The following WIPF2 variants were observed in gnomAD, a reference collection of about 807,000 sequenced individuals.
WIPF2 encodes WAS/WASL-interacting protein family member 2.
Under a neutral mutation model 38.8 loss-of-function variants are expected in WIPF2, and 23 were observed. That is an observed-to-expected ratio of 0.59 (90% CI 0.43 to 0.84). The LOEUF is 0.84. WIPF2 is among the 40% of genes least tolerant of loss of function. The pLI is 0.00. For missense variants in WIPF2, 574 were observed against 580.5 expected, an observed-to-expected ratio of 0.99 and a Z score of 0.11; for synonymous variants, 210 against 223.2, an observed-to-expected ratio of 0.94 and a Z score of 0.53.
intron 1 of WIPF2, among the ~76,000 whole-genome samples, chr17:40,246,589 G>T (rs567484331): frequency 6.6e-6 from 1 of 150,918 alleles, no homozygotes; most frequent in African/African-American, 2.4e-5. Context: ...AGTAGAGATG[G>T]TTTCACTATG....
rs373553389 is a variant in WIPF2 at position 40,270,882 on chromosome 17, T to TTG, written c.971-2890_971-2889dup. Among the ~76,000 whole-genome samples, 518 of 150,470 alleles carry TTG rather than the reference T, an allele frequency of 3.4e-3. 3 individuals are homozygous for TTG. The highest frequency in any genetic ancestry group is 7.0e-3 in the African/African-American group (286 of 41,016). ...CATTTATTGGGCTTATTGTGCCAGA[T>TTG]TGTGTGTGTGTGTGTGTGTATGTTA... On this transcript the variant is annotated intron_variant, in intron 5 of 7. Transcript: ENST00000323571.
chr17:40,267,332 C>G (rs2032118711), intron 5 of WIPF2, among the ~76,000 whole-genome samples: 1 of 151,986 alleles, frequency 6.6e-6, no homozygotes. Context: ...GGAGCCTAAG[C>G]TGGGTGAGGA....
intron 1 of WIPF2, among the ~76,000 whole-genome samples, chr17:40,230,990 A>G (rs986732014): frequency 6.6e-6 from 1 of 152,186 alleles, no homozygotes; most frequent in Non-Finnish European, 1.5e-5. Context: ...TTTTGTTCAG[A>G]AATCACAGTA....
At chr17:40,241,560 G>A (rs531416870) in intron 1 of WIPF2, among the ~76,000 whole-genome samples, 81 of 152,124 alleles carry the variant, frequency 5.3e-4, no homozygotes, top group African/African-American at 1.9e-3. Context: ...TTTAGTCAGC[G>A]TCTCTAAACC....
chr17:40,270,094 G>A (rs868594252), intron 5 of WIPF2, among the ~76,000 whole-genome samples: 2 of 151,712 alleles, frequency 1.3e-5, no homozygotes, highest in Non-Finnish European at 2.9e-5. Flanking sequence ...GGCCGGGTGC[G>A]GTGGCTCATG....
chr17:40,243,081 A>G (rs2031246069), intron 1 of WIPF2, among the ~76,000 whole-genome samples: 1 of 152,194 alleles, frequency 6.6e-6, no homozygotes, highest in South Asian at 2.1e-4. Context: ...TTGATTTGTC[A>G]TCATTTTAGA....
intron 4 of WIPF2, among the ~76,000 whole-genome samples, chr17:40,263,808 G>T (rs1250576944): frequency 6.6e-6 from 1 of 151,842 alleles, no homozygotes; most frequent in Non-Finnish European, 1.5e-5. Flanking sequence ...CTCCCAAAGT[G>T]CTGGGATTAC....
intron 1 of WIPF2, among the ~76,000 whole-genome samples, chr17:40,225,599 AG>A (rs965245059): frequency 1.3e-5 from 2 of 152,164 alleles, no homozygotes; most frequent in Admixed American, 1.3e-4. Flanking sequence ...CTTGTTTTTC[AG>A]GGGATAGTTA....
chr17:40,234,982 G>A (rs564921954), intron 1 of WIPF2, among the ~76,000 whole-genome samples: 10 of 151,452 alleles, frequency 6.6e-5, no homozygotes, highest in East Asian at 1.9e-4. Context: ...AGAGTGGCGC[G>A]ATCTCAGCTC....
chr17:40,277,159 G>A lies in WIPF2; in HGVS notation c.1257G>A (p.Arg419=). ...PAPEEYKHFQ[R]IYPSKTNRAA... is the part of the protein sequence containing the mutation. ...CAGAAGAATATAAACACTTTCAGAG[G>A]ATATATCCCAGCAAAACAAACCGAG... The change falls in exon 7 of 8, where the codon AGG becomes AGA. Residue 419 remains arginine (R), a synonymous_variant. Transcript: ENST00000323571. 6.2e-7 allele frequency: 1 copy of A among 1,612,460 alleles called. No individual in the cohort carries two copies. The highest frequency in any genetic ancestry group is 8.5e-7 in the Non-Finnish European group (1 of 1,179,152).
chr17:40,251,514 T>TA (rs1598483237), intron 1 of WIPF2, among the ~76,000 whole-genome samples: 1 of 152,324 alleles, frequency 6.6e-6, no homozygotes, highest in East Asian at 1.9e-4. Flanking sequence ...CTTGGAAACA[T>TA]ATAGAGAACT....
At chr17:40,222,342 G>A (rs896733154) in intron 1 of WIPF2, among the ~76,000 whole-genome samples, 2 of 151,252 alleles carry the variant, frequency 1.3e-5, no homozygotes, top group African/African-American at 4.8e-5. Context: ...GTGAGCCACC[G>A]CGCCTGGCCG....
chr17:40,276,754 A>C (rs978783696), intron 6 of WIPF2, among the ~76,000 whole-genome samples: 1 of 152,094 alleles, frequency 6.6e-6, no homozygotes, highest in African/African-American at 2.4e-5. Context: ...CTCTACTAAA[A>C]ATACAGAAAA....
chr17:40,256,265 A>G, intron 1 of WIPF2, 126 bp from the exon 2 acceptor site: 3 of 695,306 alleles, frequency 4.3e-6, no homozygotes, highest in South Asian at 2.2e-5. Context: ...CCTGGACTGT[A>G]TCACAGTGGA....
At position 40,273,885 on chromosome 17, in the gene WIPF2, C is replaced by G; in HGVS notation, c.1066C>G (p.Arg356Gly). 2 of 1,575,790 alleles carry G rather than the reference C, an allele frequency of 1.3e-6. No homozygotes were observed. Among genetic ancestry groups the G allele is most frequent in the Non-Finnish European group, 1.7e-6 (2 of 1,155,956 alleles). ...AATGCATGGGTCAGAACCCCCGAGC[C>G]GAGGAAAGCCCCCACCTCCACCCTC... ...YRMHGSEPPS[R>G]GKPPPPPSRT... The change falls in exon 6 of 8, where the codon CGA becomes GGA. Residue 356 changes from arginine to glycine, a missense_variant. Transcript: ENST00000323571.
At position 40,282,803 on chromosome 17, in the gene WIPF2, C is replaced by T. The variant is rs1015303953; in HGVS notation, c.*4578C>T. 9.9e-5 allele frequency: 15 copies of T among 152,114 alleles called. No homozygotes were observed. Among genetic ancestry groups the T allele is most frequent in the African/African-American group, 3.4e-4 (14 of 41,414 alleles). The allele number at this position is 152,114 out of a possible 1,614,324, so 9.4% of individuals were successfully genotyped here. A position where few individuals can be genotyped will look rare whatever the true frequency, so the allele number is the denominator to read the frequency against. ...AGTGTAGTGGTTTGATTCCAGGTCC[C>T]TTGAAAAAGTAGATCTACTGAATTG... On this transcript the variant is annotated 3_prime_UTR_variant, in exon 8 of 8. Transcript: ENST00000323571.
Position 40,260,549 on chromosome 17 carries a change from G to A in WIPF2, c.78G>A (p.Gln26=). 1.2e-6 allele frequency: 2 copies of A among 1,613,896 alleles called. No homozygotes were observed. The highest frequency in any genetic ancestry group is 1.7e-6 in the Non-Finnish European group (2 of 1,179,972). ...TTATCCTCCAGGCAAACACAGAGCAGCCCAAGCTGAGTAGAGATGAGCAGC... is the reference window on the plus strand; with the variant it reads ...TTATCCTCCAGGCAAACACAGAGCAACCCAAGCTGAGTAGAGATGAGCAGC... ...PPTFHQANTE[Q]PKLSRDEQRG... is the part of the protein sequence containing the mutation. Residue 26 remains glutamine, a synonymous_variant, in exon 3 of 8, where the codon CAG becomes CAA. Coordinates refer to ENST00000323571, the MANE Select transcript of WIPF2 (RefSeq NM_133264.5).
rs1381321833 is a variant in WIPF2, at chr17:40,281,399, CA to C, written c.*3177del. 1 of 152,166 alleles carries C rather than the reference CA, an allele frequency of 6.6e-6. No individual in the cohort carries two copies. Among genetic ancestry groups the C allele is most frequent in the Non-Finnish European group, 1.5e-5 (1 of 68,042 alleles). The allele number at this position is 152,166 out of a possible 1,614,324, so 9.4% of individuals were successfully genotyped here. ...TCTTCTCTGGTCACTGAACCTGGAC[CA>C]AAGCACTTTGATATTCCAGGTGTGA... On this transcript the variant is annotated 3_prime_UTR_variant, in exon 8 of 8. Coordinates refer to ENST00000323571, the MANE Select transcript of WIPF2 (RefSeq NM_133264.5).
At chr17:40,254,177 G>A (rs538737418) in intron 1 of WIPF2, among the ~76,000 whole-genome samples, 8 of 152,010 alleles carry the variant, frequency 5.3e-5, no homozygotes, top group African/African-American at 1.7e-4. Flanking sequence ...CAACCATGCC[G>A]GGCTAATTTT....
Sources: gnomAD v4.1 joint callset for allele counts (sites outside exome capture counted in the v4.1 genomes callset) on GRCh38, gnomAD v4.1.1 for gene constraint, MANE v1.5 for transcripts, NCBI Gene and HGNC (gene_info 2026-07-23, HGNC 2026-07-21) for gene names.